STK38L: variants seen among roughly 807,000 people sequenced by gnomAD.
STK38L encodes serine/threonine-protein kinase 38-like.
Under a neutral mutation model 59.7 loss-of-function variants are expected in STK38L, and 28 were observed. The observed-to-expected ratio is 0.47, with a 90% CI of 0.35 to 0.64. The LOEUF (loss-of-function observed/expected upper bound fraction) is 0.64, where lower values mean the gene tolerates loss of function less well. Among genes scored for constraint, STK38L ranks in the 30% least tolerant of loss-of-function variants. The pLI, the probability that STK38L is intolerant of heterozygous loss-of-function variation, is 0.01. For synonymous variants in STK38L, 162 were observed against 176.8 expected, an observed-to-expected ratio of 0.92 and a Z score of 0.66; for missense variants, 314 against 555.8, an observed-to-expected ratio of 0.56 and a Z score of 4.37.
At chr12:27,260,675 C>T (rs1022367406) in intron 1 of STK38L, among the ~76,000 whole-genome samples, 2 of 152,094 alleles carry the variant, frequency 1.3e-5, no homozygotes. Context: ...CATTCTTTTT[C>T]ATCTCATTCA....
chr12:27,281,648 A>AT (rs1385309751), intron 1 of STK38L, among the ~76,000 whole-genome samples: 1 of 152,238 alleles, frequency 6.6e-6, no homozygotes, highest in Non-Finnish European at 1.5e-5. Flanking sequence ...AATGGTATCC[A>AT]TGACAACAAC....
intron 1 of STK38L, among the ~76,000 whole-genome samples, chr12:27,252,705 C>CT (rs1943003737): frequency 6.6e-6 from 1 of 152,144 alleles, no homozygotes; most frequent in Non-Finnish European, 1.5e-5. Context: ...ACAGAATAGA[C>CT]TTTTTCTATT....
intron 1 of STK38L, among the ~76,000 whole-genome samples, chr12:27,284,105 G>A (rs898757543): frequency 1.3e-5 from 2 of 152,244 alleles, no homozygotes; most frequent in Non-Finnish European, 2.9e-5. Context: ...TTGATCCACA[G>A]ATCGGTAATT....
In STK38L at chr12:27,313,676, C is replaced by G. The variant is rs529901389; in HGVS notation, c.518-828C>G. 1.3e-3 allele frequency among the ~76,000 whole-genome samples: 200 copies of G among 150,880 alleles called. 1 individual carries two copies. The highest frequency in any genetic ancestry group is 1.7e-3 in the Non-Finnish European group (112 of 67,186). Reference sequence around the variant, plus strand: ...GGGAATACAGGCGTGAACCACTGCCCCTGGCTCCCTATTTTTTTTAAAGCC... The same window carrying G: ...GGGAATACAGGCGTGAACCACTGCCGCTGGCTCCCTATTTTTTTTAAAGCC... On this transcript the variant is annotated intron_variant, in intron 6 of 13. Transcript: ENST00000389032.
chr12:27,262,144 G>A lies in STK38L; in HGVS notation c.-12+17812G>A, dbSNP rs539064129. 2.6e-5 allele frequency among the ~76,000 whole-genome samples: 4 copies of A among 151,798 alleles called. No homozygotes were observed. The South Asian group carries it at 6.3e-4, about 24-fold the overall frequency. ...GTGTACCATTTGTACCATTTTTGAC[G>A]CTATTCATTTGCTATAAGAAACCAC... On this transcript the variant is annotated intron_variant, in intron 1 of 13. Transcript: ENST00000389032.
chr12:27,281,942 C>T (rs1451184461), intron 1 of STK38L, among the ~76,000 whole-genome samples: 5 of 152,016 alleles, frequency 3.3e-5, no homozygotes, highest in African/African-American at 7.2e-5. Flanking sequence ...AGGCTGATAC[C>T]GGAGAATTGC....
At chr12:27,292,432 AG>A (rs1943917484) in intron 1 of STK38L, among the ~76,000 whole-genome samples, 1 of 152,214 alleles carries the variant, frequency 6.6e-6, no homozygotes, top group South Asian at 2.1e-4. Flanking sequence ...TATAATCATG[AG>A]TAAGGGTGGG....
intron 1 of STK38L, among the ~76,000 whole-genome samples, chr12:27,244,923 A>G (rs925746105): frequency 2.6e-5 from 4 of 151,976 alleles, no homozygotes; most frequent in Non-Finnish European, 5.9e-5. Context: ...TTTCAAAATC[A>G]TTTCTCCCAC....
At chr12:27,269,600 CAT>C (rs1943374999) in intron 1 of STK38L, among the ~76,000 whole-genome samples, 1 of 152,162 alleles carries the variant, frequency 6.6e-6, no homozygotes, top group South Asian at 2.1e-4. Flanking sequence ...ATAACCATGA[CAT>C]ATTCATGTTG....
At chr12:27,283,227 T>A (rs529594575) in intron 1 of STK38L, among the ~76,000 whole-genome samples, 1 of 152,198 alleles carries the variant, frequency 6.6e-6, no homozygotes, top group Non-Finnish European at 1.5e-5. Flanking sequence ...TTAAAACTTA[T>A]TTGTATTAAT....
rs765750485 is a variant in STK38L at position 27,318,048 on chromosome 12, A to G, written c.1079+29A>G. ...AGTGGTTAAATTCCTAGAGGAGTTCATAGTGTCTTAAAACTTCCTAAGAAC... is the reference window on the plus strand; with the variant it reads ...AGTGGTTAAATTCCTAGAGGAGTTCGTAGTGTCTTAAAACTTCCTAAGAAC... On this transcript the variant is annotated intron_variant, in intron 11 of 13. Coordinates refer to ENST00000389032, the MANE Select transcript of STK38L (RefSeq NM_015000.4). 3.1e-6 allele frequency: 5 copies of G among 1,611,738 alleles called. No homozygotes were observed. The Admixed American group carries it at 8.4e-5, about 27-fold the overall frequency.
rs1007121790 is a variant in STK38L, at chr12:27,324,331, G to T, written c.*1876G>T. The T allele has an allele frequency of 1.3e-5, 2 of 151,874 alleles. No homozygotes were observed. The highest frequency in any genetic ancestry group is 4.8e-5 in the African/African-American group (2 of 41,350). 9.4% of individuals were successfully genotyped at this position (151,874 alleles called of 1,614,324 possible). ...TAACATAATATTAACTTTTGCTGAG[G>T]TTTATGAGATTTTCTCACCCCACAT... On this transcript the variant is annotated 3_prime_UTR_variant, in exon 14 of 14. Transcript: ENST00000389032.
At chr12:27,298,076 C>A in intron 2 of STK38L, 1 of 431,570 alleles carries the variant, frequency 2.3e-6, no homozygotes, top group East Asian at 3.5e-5. Flanking sequence ...GTATGACATG[C>A]CAATTAACGT....
Position 27,325,609 on chromosome 12 carries a change from G to A in STK38L, c.*3154G>A, listed in dbSNP as rs550783389. On this transcript the variant is annotated 3_prime_UTR_variant, in exon 14 of 14. Coordinates refer to ENST00000389032, the MANE Select transcript of STK38L (RefSeq NM_015000.4). ...TGCTACAACCCATGATTATTTTCCT[G>A]TTGTGTTTATTTAAATTTACTTTCT... 4 of 152,122 alleles carry A rather than the reference G, an allele frequency of 2.6e-5. No homozygotes were observed. In the East Asian group the frequency reaches 7.7e-4, roughly 29 times the overall value. 9.4% of individuals were successfully genotyped at this position (152,122 alleles called of 1,614,324 possible).
intron 1 of STK38L, among the ~76,000 whole-genome samples, chr12:27,256,045 A>G (rs1192144896): frequency 1.3e-5 from 2 of 152,190 alleles, no homozygotes; most frequent in Non-Finnish European, 2.9e-5. Flanking sequence ...CTCCTTGTTT[A>G]TGACTGACAT....
chr12:27,318,208 A>G (rs1156251430), intron 11 of STK38L, among the ~76,000 whole-genome samples, 189 bp downstream of exon 11: 2 of 152,254 alleles, frequency 1.3e-5, no homozygotes, highest in African/African-American at 2.4e-5. Flanking sequence ...AGGAATTAAA[A>G]AGAGGGAGGA....
At chr12:27,262,031 T>C in intron 1 of STK38L, among the ~76,000 whole-genome samples, 1 of 152,246 alleles carries the variant, frequency 6.6e-6, no homozygotes, top group Non-Finnish European at 1.5e-5. Flanking sequence ...GGGTAAACAT[T>C]CTTTTCTTAG....
In STK38L at chr12:27,274,583, T is replaced by A. The variant is rs563803153; in HGVS notation, c.-11-23127T>A. ...ACAGGTCCAGTCCATTTCATGTGTT[T>A]AATAATATATCATGTTCACATATAA... On this transcript the variant is annotated intron_variant, in intron 1 of 13. Transcript: ENST00000389032. 5.3e-5 allele frequency among the ~76,000 whole-genome samples: 8 copies of A among 152,360 alleles called. No individual in the cohort carries two copies. The East Asian group carries it at 1.5e-3, about 29-fold the overall frequency.
At chr12:27,269,742 A>C (rs1591866723) in intron 1 of STK38L, among the ~76,000 whole-genome samples, 1 of 152,214 alleles carries the variant, frequency 6.6e-6, no homozygotes. Context: ...TCCTGGGTTC[A>C]AGTGATTCTC....
Sources: gnomAD v4.1 joint callset for allele counts (sites outside exome capture counted in the v4.1 genomes callset) on GRCh38, gnomAD v4.1.1 for gene constraint, MANE v1.5 for transcripts, NCBI Gene and HGNC (gene_info 2026-07-23, HGNC 2026-07-21) for gene names.